Variants in NFASC observed in about 807,000 individuals in gnomAD.
NFASC encodes neurofascin.
Under a neutral mutation model 147.5 loss-of-function variants are expected in NFASC, and 43 were observed. The observed-to-expected ratio is 0.29, with a 90% CI of 0.23 to 0.38. NFASC has a LOEUF of 0.38. NFASC is among the 10% of genes least tolerant of loss of function. The pLI is 1.00. For synonymous variants in NFASC, 622 were observed against 665.5 expected (o/e 0.93, Z 1.01); for missense variants, 1,320 against 1,689.0 (o/e 0.78, Z 3.83).
intron 29 of NFASC, among the ~76,000 whole-genome samples, chr1:205,013,946 G>A (rs529142411): frequency 6.6e-5 from 10 of 152,270 alleles, no homozygotes; most frequent in African/African-American, 1.7e-4. Flanking sequence ...ACCTAGTCCC[G>A]ACATTCCCAG....
chr1:204,987,506 G>T lies in NFASC; in HGVS notation c.2559G>T (p.Gly853=). The change falls in exon 22 of 30, where the codon GGG becomes GGT. Residue 853 remains glycine (G), a synonymous_variant. Coordinates refer to ENST00000339876, the MANE Select transcript of NFASC (RefSeq NM_001005388.3). This position sits in a 1 kb window ranked among gnomAD's most constrained non-coding sequence, Gnocchi z 4.4. Reference sequence around the variant, plus strand: ...GGGATCATCCTGAGCATCCAAATGGGATCATGATTGGATACACTCTCAAAT... The same window carrying T: ...GGGATCATCCTGAGCATCCAAATGGTATCATGATTGGATACACTCTCAAAT... ...LEWDHPEHPN[G]IMIGYTLKYV... 1.2e-6 allele frequency: 2 copies of T among 1,614,096 alleles called. No homozygotes were observed. Among genetic ancestry groups the T allele is most frequent in the Non-Finnish European group, 8.5e-7 (1 of 1,180,012 alleles).
intron 2 of NFASC, among the ~76,000 whole-genome samples, chr1:204,924,369 C>T (rs1043827949): frequency 6.6e-6 from 1 of 152,242 alleles, no homozygotes; most frequent in Non-Finnish European, 1.5e-5. Context: ...CCGCTTATCA[C>T]ATCAGACAGG....
chr1:204,988,472 G>A (rs1224729877), intron 22 of NFASC, among the ~76,000 whole-genome samples, 161 bp from the exon 23 acceptor site: 7 of 152,226 alleles, frequency 4.6e-5, no homozygotes, highest in African/African-American at 1.4e-4. Flanking sequence ...AGTTCTTGCC[G>A]AGTGTTCTGC....
In NFASC at chr1:204,974,743, A is replaced by G. The variant is rs372885367; in HGVS notation, c.1478A>G (p.Lys493Arg). 7 of 1,613,886 alleles carry G rather than the reference A, an allele frequency of 4.3e-6. No homozygotes were observed. Among genetic ancestry groups the G allele is most frequent in the South Asian group, 2.2e-5 (2 of 91,072 alleles). Reference sequence around the variant, plus strand: ...AGTCTGGAAATTAAGATGATCCGCAAAGAGGACCAGGGCATCTACACCTGT... The same window carrying G: ...AGTCTGGAAATTAAGATGATCCGCAGAGAGGACCAGGGCATCTACACCTGT... ...NGSLEIKMIR[K>R]EDQGIYTCVA... is the part of the protein sequence containing the mutation. The change falls in exon 14 of 30, where the codon AAA (lysine) becomes AGA (arginine). Residue 493 changes from lysine (K) to arginine (R), a missense_variant. By Grantham distance (26) the Lys-to-Arg change is conservative. Transcript: ENST00000339876.
At chr1:204,897,724 C>T (rs2083661920) in intron 1 of NFASC, among the ~76,000 whole-genome samples, 1 of 151,588 alleles carries the variant, frequency 6.6e-6, no homozygotes, top group Non-Finnish European at 1.5e-5. Context: ...CAGGTGTGTG[C>T]CACCATGCTC....
Position 204,987,922 on chromosome 1 carries a change from T to A in NFASC, c.2593+382T>A, listed in dbSNP as rs113552121. ...ATAGTATACTCACAGGAGTCCACAGTCAGGACACCCCTTGACAAGATGTCA... is the reference window on the plus strand; with the variant it reads ...ATAGTATACTCACAGGAGTCCACAGACAGGACACCCCTTGACAAGATGTCA... On this transcript the variant is annotated intron_variant, in intron 22 of 29. Transcript: ENST00000339876. The surrounding 1 kb of genome is among the most constrained non-coding windows in gnomAD (Gnocchi z 4.4). 1.5e-4 allele frequency among the ~76,000 whole-genome samples: 19 copies of A among 127,858 alleles called. No individual in the cohort carries two copies. The highest frequency in any genetic ancestry group is 6.2e-4 in the Admixed American group (8 of 12,956). 83.9% of individuals were successfully genotyped at this position (127,858 alleles called of 152,430 possible).
intron 1 of NFASC, among the ~76,000 whole-genome samples, chr1:204,912,423 T>C (rs1398136408): frequency 6.6e-6 from 1 of 152,146 alleles, no homozygotes; most frequent in East Asian, 1.9e-4. Context: ...AAGCCAGGCA[T>C]TGTGGCTCAT....
At chr1:204,952,734 C>T (rs1313734438) in intron 5 of NFASC, among the ~76,000 whole-genome samples, 3 of 152,224 alleles carry the variant, frequency 2.0e-5, no homozygotes, top group South Asian at 2.1e-4. Flanking sequence ...GCATCGGAGA[C>T]ATGACAGACG....
intron 25 of NFASC, 121 bp from the exon 26 acceptor site, chr1:205,001,049 G>GTGTGCGTGCGCGAGTGTGGGCA: frequency 1.4e-6 from 1 of 703,866 alleles, no homozygotes; most frequent in Non-Finnish European, 2.6e-6. Context: ...GTGTGTACAT[G>GTGTGCGTGCGCGAGTGTGGGCA]TGTGCGTGCG....
rs775692003 is a variant in NFASC at position 204,997,345 on chromosome 1, C to T, written c.2958C>T (p.Ala986=). 4.2e-5 allele frequency: 66 copies of T among 1,562,036 alleles called. 1 individual carries two copies. Among genetic ancestry groups the T allele is most frequent in the South Asian group, 5.8e-5 (5 of 85,880 alleles). ...TVATTTTTTA[A]ATTTTESPPT... ...CCACAACTACTACAACCACTGCTGCCGCCACCACCACCACGGAGAGTCCTC... is the reference window on the plus strand; with the variant it reads ...CCACAACTACTACAACCACTGCTGCTGCCACCACCACCACGGAGAGTCCTC... Residue 986 remains alanine (A), a synonymous_variant, in exon 25 of 30, where the codon GCC becomes GCT. Coordinates refer to ENST00000339876, the MANE Select transcript of NFASC (RefSeq NM_001005388.3).
rs1202294421 is a variant in NFASC at position 204,926,406 on chromosome 1, A to AT, written c.-91+5693dup. On this transcript the variant is annotated intron_variant, in intron 2 of 29. Coordinates refer to ENST00000339876, the MANE Select transcript of NFASC (RefSeq NM_001005388.3). ...TATATATATATATATATATATATAT[A>AT]TTTTTTTTTTTTTTTTTTTTTTTTT... Among the ~76,000 whole-genome samples, 108 of 14,086 alleles carry AT rather than the reference A, an allele frequency of 7.7e-3. 4 individuals are homozygous for AT. Among genetic ancestry groups the AT allele is most frequent in the Admixed American group, 0.023 (22 of 976 alleles). The allele number at this position is 14,086 out of a possible 152,430, so 9.2% of individuals were successfully genotyped here.
chr1:204,829,583 A>G (rs1423489316), intron 1 of NFASC, among the ~76,000 whole-genome samples: 7 of 152,112 alleles, frequency 4.6e-5, no homozygotes, highest in Non-Finnish European at 7.4e-5. Context: ...GCTGGGGGTT[A>G]GTAGGCCTCT....
intron 2 of NFASC, among the ~76,000 whole-genome samples, chr1:204,921,485 G>A (rs1438652972): frequency 2.0e-5 from 3 of 152,152 alleles, no homozygotes; most frequent in Admixed American, 1.3e-4. Flanking sequence ...CATCGAAGGT[G>A]TCTTTCTCAC....
rs771183209 is a variant in NFASC, at chr1:204,954,330, G to A, written c.358G>A (p.Ala120Thr). 3.1e-6 allele frequency: 5 copies of A among 1,614,004 alleles called. No individual in the cohort carries two copies. The highest frequency in any genetic ancestry group is 4.2e-6 in the Non-Finnish European group (5 of 1,180,024). The change falls in exon 6 of 30, where the codon GCC becomes ACC. Residue 120 changes from alanine (A) to threonine (T), a missense_variant. Around this residue, in one of 3 missense-constraint regions of NFASC, gnomAD observed 981 missense variants for 1,289.5 expected, o/e 0.76. Coordinates refer to ENST00000339876, the MANE Select transcript of NFASC (RefSeq NM_001005388.3). This position sits in a 1 kb window ranked among gnomAD's most constrained non-coding sequence, Gnocchi z 5.7. ...ATATGAGGGGGAATATCAGTGCTTC[G>A]CCCGCAACAAATTTGGCACGGCCCT... ...EEYEGEYQCF[A>T]RNKFGTALSN...
chr1:204,920,407 T>A (rs1198603074), intron 1 of NFASC, among the ~76,000 whole-genome samples: 14 of 149,038 alleles, frequency 9.4e-5, no homozygotes, highest in African/African-American at 3.5e-4. Flanking sequence ...AGAGAGACAA[T>A]CACCCTTGCA....
At chr1:204,883,728 G>A (rs1332973391) in intron 1 of NFASC, among the ~76,000 whole-genome samples, 1 of 152,238 alleles carries the variant, frequency 6.6e-6, no homozygotes, top group Non-Finnish European at 1.5e-5. Flanking sequence ...TGCACTGTCT[G>A]CAGTCTGGCT....
chr1:204,880,276 C>T (rs973677314), intron 1 of NFASC, among the ~76,000 whole-genome samples: 5 of 152,098 alleles, frequency 3.3e-5, no homozygotes, highest in African/African-American at 1.2e-4. Context: ...GCTGAAATCT[C>T]TTAGGAATGA....
At chr1:204,908,244 A>C (rs1008293139) in intron 1 of NFASC, among the ~76,000 whole-genome samples, 2 of 152,176 alleles carry the variant, frequency 1.3e-5, no homozygotes, top group African/African-American at 2.4e-5. Context: ...GGCCTCCCAA[A>C]GTGCTGGAAT....
chr1:205,002,473 G>A (rs543900140), intron 26 of NFASC, 123 bp from the exon 27 acceptor site: 2 of 711,096 alleles, frequency 2.8e-6, no homozygotes, highest in South Asian at 3.8e-5. Flanking sequence ...TGGTGGACTG[G>A]ACCCGCGGTT....
Sources: allele counts gnomAD v4.1 joint callset (sites outside exome capture counted in the v4.1 genomes callset), GRCh38; gene constraint gnomAD v4.1.1; regional missense constraint gnomAD v4.1.1; non-coding constraint Gnocchi (gnomAD v3.1); transcripts MANE v1.5; gene names NCBI Gene and HGNC (gene_info 2026-07-23, HGNC 2026-07-21).